Variants in WWOX observed in about 807,000 individuals in gnomAD.
The protein encoded by WWOX is WW domain containing oxidoreductase, also known as WW domain-containing oxidoreductase.
A neutral mutation model predicts 46.2 loss-of-function variants in WWOX; 69 were observed. The observed-to-expected ratio is 1.49, with a 90% CI of 1.23 to 1.82. WWOX has a LOEUF of 1.82. Among genes scored for constraint, WWOX ranks in the 40% most tolerant of loss-of-function variants. The probability of loss-of-function intolerance (pLI) is 0.00; values close to 1 mark genes in which losing one functional copy is unlikely to be tolerated. For synonymous variants in WWOX, 359 were observed against 202.6 expected, an observed-to-expected ratio of 1.77 and a Z score of -6.56; for missense variants, 919 against 542.6, an observed-to-expected ratio of 1.69 and a Z score of -6.89.
Position 78,830,631 on chromosome 16 carries a change from AG to A in WWOX, c.1057-380976del, listed in dbSNP as rs547764745. Among the ~76,000 whole-genome samples, 19 of 152,142 alleles carry A rather than the reference AG, an allele frequency of 1.2e-4. 1 individual carries two copies. In the South Asian group the frequency reaches 3.7e-3, roughly 30 times the overall value. ...TCAGACAATCGAAAAATTGAATCTC[AG>A]TACCTCTATTTTCCTAACAAAATTT... On this transcript the variant is annotated intron_variant, in intron 8 of 8. Coordinates refer to ENST00000566780, the MANE Select transcript of WWOX (RefSeq NM_016373.4).
intron 5 of WWOX, among the ~76,000 whole-genome samples, chr16:78,386,582 C>G (rs2082065246): frequency 6.6e-6 from 1 of 152,122 alleles, no homozygotes; most frequent in Admixed American, 6.5e-5. Context: ...CCCGAAGCGC[C>G]TTTGCAGCCT....
rs540318618 is a variant in WWOX, at chr16:78,242,148, G to A, written c.516+77859G>A. 2.6e-5 allele frequency among the ~76,000 whole-genome samples: 4 copies of A among 152,262 alleles called. 1 individual carries two copies. The East Asian group carries it at 7.7e-4, about 29-fold the overall frequency. On this transcript the variant is annotated intron_variant, in intron 5 of 8. Transcript: ENST00000566780. ...AATTTTGGTAACTTTGTCTGCTTCT[G>A]CCTCGGGTAGAAATAATTCAGATTT...
chr16:78,161,058 TAG>T (rs1195713305), intron 4 of WWOX, among the ~76,000 whole-genome samples: 1 of 152,200 alleles, frequency 6.6e-6, no homozygotes, highest in Non-Finnish European at 1.5e-5. Context: ...CTTCTTGCTT[TAG>T]AGTCTTTTTT....
intron 8 of WWOX, among the ~76,000 whole-genome samples, chr16:79,028,913 A>C (rs979355852): frequency 6.6e-6 from 1 of 151,682 alleles, no homozygotes; most frequent in Non-Finnish European, 1.5e-5. Context: ...AAAAATGTTC[A>C]TAAATTTATA....
intron 5 of WWOX, among the ~76,000 whole-genome samples, chr16:78,178,145 C>T (rs527623462): frequency 6.6e-6 from 1 of 152,284 alleles, no homozygotes; most frequent in African/African-American, 2.4e-5. Flanking sequence ...TAATTATACC[C>T]GGAGAGCAGG....
chr16:78,168,534 G>T (rs12921252), intron 5 of WWOX: 10,107 of 152,004 alleles, frequency 0.066, 380 homozygotes, highest in Non-Finnish European at 0.093. Flanking sequence ...TCAGAGTCAG[G>T]CTCCTTGCTT....
At chr16:78,579,796 C>A (rs11641830) in intron 8 of WWOX, among the ~76,000 whole-genome samples, 16,105 of 152,152 alleles carry the variant, frequency 0.11, 1,042 homozygotes, top group East Asian at 0.17. Flanking sequence ...ATCTTTAAAT[C>A]TCCTACGGTG....
At chr16:78,302,868 T>C (rs1237598819) in intron 5 of WWOX, among the ~76,000 whole-genome samples, 2 of 152,228 alleles carry the variant, frequency 1.3e-5, no homozygotes, top group Non-Finnish European at 2.9e-5. Context: ...CCTTTGGCTT[T>C]GGTTTGATGT....
At chr16:78,537,791 G>C (rs183991470) in intron 8 of WWOX, among the ~76,000 whole-genome samples, 1 of 152,028 alleles carries the variant, frequency 6.6e-6, no homozygotes, top group Non-Finnish European at 1.5e-5. Flanking sequence ...TTGAAAGGGA[G>C]GTAATCAGGG....
chr16:78,971,091 A>T (rs2046459577), intron 8 of WWOX, among the ~76,000 whole-genome samples: 1 of 151,944 alleles, frequency 6.6e-6, no homozygotes, highest in Non-Finnish European at 1.5e-5. Flanking sequence ...ATGTATATCA[A>T]TATATATATC....
chr16:78,841,380 G>C (rs1330078073), intron 8 of WWOX, among the ~76,000 whole-genome samples: 1 of 152,176 alleles, frequency 6.6e-6, no homozygotes, highest in Non-Finnish European at 1.5e-5. Context: ...TTAGCGAGCA[G>C]CTCATGAGAG....
In WWOX at chr16:78,837,359, C is replaced by G. The variant is rs577270605; in HGVS notation, c.1057-374249C>G. Reference sequence around the variant, plus strand: ...TTATTCCCTAACCCTCACCCAGCAACTTGCTTTTTCCTCTGTGTTTTGTGT... The same window carrying G: ...TTATTCCCTAACCCTCACCCAGCAAGTTGCTTTTTCCTCTGTGTTTTGTGT... On this transcript the variant is annotated intron_variant, in intron 8 of 8. Coordinates refer to ENST00000566780, the MANE Select transcript of WWOX (RefSeq NM_016373.4). 2.6e-5 allele frequency among the ~76,000 whole-genome samples: 4 copies of G among 152,342 alleles called. No homozygotes were observed. The South Asian group carries it at 8.3e-4, about 32-fold the overall frequency.
intron 8 of WWOX, among the ~76,000 whole-genome samples, chr16:78,702,008 TA>T (rs2048228612): frequency 2.1e-3 from 11 of 5,186 alleles, no homozygotes; most frequent in Non-Finnish European, 3.1e-3. Flanking sequence ...TACATAAAAT[TA>T]TATATATATA....
At chr16:78,568,793 G>C (rs1026245386) in intron 8 of WWOX, among the ~76,000 whole-genome samples, 1 of 152,170 alleles carries the variant, frequency 6.6e-6, no homozygotes, top group African/African-American at 2.4e-5. Context: ...TTAAAAGCCA[G>C]AAACAACTGG....
At chr16:78,719,539 G>A (rs549834713) in intron 8 of WWOX, among the ~76,000 whole-genome samples, 6 of 152,270 alleles carry the variant, frequency 3.9e-5, no homozygotes, top group South Asian at 2.1e-4. Flanking sequence ...CAAGTGTGTC[G>A]TTAATTAAGA....
intron 8 of WWOX, among the ~76,000 whole-genome samples, chr16:78,710,411 G>C (rs1455224466): frequency 7.1e-6 from 1 of 140,356 alleles, no homozygotes; most frequent in Non-Finnish European, 1.5e-5. Flanking sequence ...TGCAGCATTG[G>C]CCACACCAGT....
intron 5 of WWOX, among the ~76,000 whole-genome samples, chr16:78,253,844 G>A (rs750101343): frequency 6.6e-6 from 1 of 152,122 alleles, no homozygotes; most frequent in Non-Finnish European, 1.5e-5. Context: ...AAAGAAAAAT[G>A]TAAGGTGGTA....
At chr16:78,827,062 G>C (rs1331894355) in intron 8 of WWOX, among the ~76,000 whole-genome samples, 1 of 152,134 alleles carries the variant, frequency 6.6e-6, no homozygotes, top group Non-Finnish European at 1.5e-5. Context: ...GAACCAGAGA[G>C]CTTTGATCCC....
chr16:79,049,450 C>T (rs569409024), intron 8 of WWOX, among the ~76,000 whole-genome samples: 3 of 152,332 alleles, frequency 2.0e-5, no homozygotes, highest in South Asian at 2.1e-4. Flanking sequence ...TCTGGTACAG[C>T]TGTCACCCAT....
Sources: gnomAD v4.1 joint callset for allele counts (sites outside exome capture counted in the v4.1 genomes callset) on GRCh38, gnomAD v4.1.1 for gene constraint, MANE v1.5 for transcripts, NCBI Gene and HGNC (gene_info 2026-07-23, HGNC 2026-07-21) for gene names.